The following AGBL1 variants were observed in gnomAD, a reference collection of about 807,000 sequenced individuals.
AGBL1 encodes cytosolic carboxypeptidase 4.
In AGBL1, 130 loss-of-function variants were observed where a neutral mutation model predicts 118.9. That is an observed-to-expected ratio of 1.09 (90% CI 0.95 to 1.26). The LOEUF (loss-of-function observed/expected upper bound fraction) is 1.26. AGBL1 is among the 50% of genes most tolerant of loss of function. The pLI, the probability that AGBL1 is intolerant of heterozygous loss-of-function variation, is 0.00. For synonymous variants in AGBL1, 555 were observed against 478.9 expected (o/e 1.16, Z -2.08); for missense variants, 1,584 against 1,298.1 (o/e 1.22, Z -3.38).
chr15:86,464,447 A>G (rs1420555324), intron 18 of AGBL1, among the ~76,000 whole-genome samples: 4 of 152,092 alleles, frequency 2.6e-5, no homozygotes, highest in African/African-American at 9.7e-5. Flanking sequence ...CTCTTGCCTG[A>G]TTGCACTGGC....
chr15:86,698,071 T>A (rs1341372234), intron 22 of AGBL1, among the ~76,000 whole-genome samples: 2 of 152,056 alleles, frequency 1.3e-5, no homozygotes, highest in Non-Finnish European at 2.9e-5. Context: ...TCTGCCCATA[T>A]GAGTTGGATC....
At chr15:86,113,708 T>C (rs1358592744) in intron 1 of AGBL1, among the ~76,000 whole-genome samples, 1 of 152,198 alleles carries the variant, frequency 6.6e-6, no homozygotes, top group East Asian at 1.9e-4. Flanking sequence ...TATAATGCCA[T>C]GCCACACCTA....
Position 86,440,086 on chromosome 15 carries a change from C to G in AGBL1, c.2555+42540C>G, listed in dbSNP as rs146927823. Among the ~76,000 whole-genome samples, 232 of 152,122 alleles carry G rather than the reference C, an allele frequency of 1.5e-3. 1 individual carries two copies. Among genetic ancestry groups the G allele is most frequent in the African/African-American group, 5.4e-3 (225 of 41,482 alleles). On this transcript the variant is annotated intron_variant, in intron 18 of 22. Transcript: ENST00000614907. ...AAAAGTTTATTGACTAATTTTGCAC[C>G]ATAATTTGTGTTTGATTCTTGTGCT...
chr15:86,581,919 G>T (rs2084177425), intron 21 of AGBL1, among the ~76,000 whole-genome samples: 1 of 152,120 alleles, frequency 6.6e-6, no homozygotes, highest in Admixed American at 6.6e-5. Context: ...AATAATTATG[G>T]ATATATGACA....
chr15:86,198,081 G>A (rs2077844178), intron 5 of AGBL1, among the ~76,000 whole-genome samples: 1 of 152,102 alleles, frequency 6.6e-6, no homozygotes, highest in South Asian at 2.1e-4. Flanking sequence ...GAGTCATGGG[G>A]GTGACAGAGC....
At chr15:86,276,190 A>C (rs1252549096) in intron 15 of AGBL1, among the ~76,000 whole-genome samples, 1 of 152,212 alleles carries the variant, frequency 6.6e-6, no homozygotes, top group Non-Finnish European at 1.5e-5. Flanking sequence ...CTGTAAGTTC[A>C]TAGGCAGCTC....
chr15:86,751,557 A>G (rs2077852149), intron 22 of AGBL1, among the ~76,000 whole-genome samples: 1 of 152,162 alleles, frequency 6.6e-6, no homozygotes, highest in Non-Finnish European at 1.5e-5. Flanking sequence ...GAGCTTCTGC[A>G]CAGAAAAAGA....
At chr15:86,106,915 G>T (rs573054281) in intron 1 of AGBL1, among the ~76,000 whole-genome samples, 1 of 152,308 alleles carries the variant, frequency 6.6e-6, no homozygotes, top group East Asian at 1.9e-4. Flanking sequence ...GTGCTGTGGA[G>T]CCCTGAGAAC....
At chr15:86,290,588 G>A (rs1293078826) in intron 16 of AGBL1, among the ~76,000 whole-genome samples, 2 of 151,882 alleles carry the variant, frequency 1.3e-5, no homozygotes, top group South Asian at 2.1e-4. Flanking sequence ...CTGAGCTTAA[G>A]CAAACCACCT....
At position 86,914,995 on chromosome 15, in the gene AGBL1, C is replaced by G. The variant is rs946201656; in HGVS notation, c.*7701C>G. On this transcript the variant is annotated 3_prime_UTR_variant, in exon 23 of 23. Transcript: ENST00000614907. ...CTCCAAATTCCTAAACTTGATTATG[C>G]CGATAGTAAACCGGCGTTGTTTGAT... is the stretch of plus-strand genomic sequence containing the variant. 3 of 152,174 alleles carry G rather than the reference C, an allele frequency of 2.0e-5. No individual in the cohort carries two copies. Among genetic ancestry groups the G allele is most frequent in the African/African-American group, 7.2e-5 (3 of 41,436 alleles). The allele number at this position is 152,174 out of a possible 1,614,324, so 9.4% of individuals were successfully genotyped here. A position where few individuals can be genotyped will look rare whatever the true frequency, so the allele number is the denominator to read the frequency against.
intron 2 of AGBL1, 127 bp downstream of exon 2, chr15:86,142,194 C>A: frequency 1.2e-6 from 1 of 869,084 alleles, no homozygotes; most frequent in Non-Finnish European, 1.8e-6. Flanking sequence ...GGCAGCATCA[C>A]TAGCCCATCT....
intron 21 of AGBL1, among the ~76,000 whole-genome samples, chr15:86,656,560 A>C: frequency 6.6e-6 from 1 of 152,108 alleles, no homozygotes. Context: ...TTGGTAGTGC[A>C]CTCCTAAGTT....
chr15:86,405,726 A>G (rs969754383), intron 18 of AGBL1, among the ~76,000 whole-genome samples: 3 of 152,202 alleles, frequency 2.0e-5, no homozygotes, highest in Non-Finnish European at 4.4e-5. Context: ...TACATGATAC[A>G]GCCAAGATAA....
rs559947098 is a variant in AGBL1 at position 86,819,825 on chromosome 15, T to C, written c.3159-87262T>C. On this transcript the variant is annotated intron_variant, in intron 22 of 22. Coordinates refer to ENST00000614907, the MANE Select transcript of AGBL1 (RefSeq NM_001386094.1). ...TCATATGGAATCAAAAAAGAGCCCATATAGCCAAGACAATCCTAAGCAAAA... is the reference window on the plus strand; with the variant it reads ...TCATATGGAATCAAAAAAGAGCCCACATAGCCAAGACAATCCTAAGCAAAA... Among the ~76,000 whole-genome samples the C allele has an allele frequency of 2.6e-5, 4 of 152,038 alleles. No individual in the cohort carries two copies. The South Asian group carries it at 6.2e-4, about 24-fold the overall frequency.
intron 19 of AGBL1, among the ~76,000 whole-genome samples, chr15:86,528,222 A>G (rs536642646): frequency 3.0e-4 from 45 of 152,298 alleles, no homozygotes; most frequent in Admixed American, 2.9e-3. Flanking sequence ...AGGGAGTGCC[A>G]GACAGTGGGC....
intron 18 of AGBL1, among the ~76,000 whole-genome samples, chr15:86,405,833 T>TA (rs113928718): frequency 2.2e-3 from 309 of 141,934 alleles, no homozygotes; most frequent in African/African-American, 4.9e-3. Context: ...AAGGAGATGC[T>TA]AAAAAAAAAA....
At position 86,264,515 on chromosome 15, in the gene AGBL1, G is replaced by A. The variant is rs1567165126; in HGVS notation, c.1344G>A (p.Arg448=). Residue 448 remains arginine, a synonymous_variant, in exon 11 of 23, where the codon AGG becomes AGA. Transcript: ENST00000614907. The part of the protein sequence containing the change: ...LYQNVQSNSL[R]RDSSESEIPD... The stretch of plus-strand genomic sequence containing the variant: ...AAAATGTGCAATCCAATAGTCTCAG[G>A]AGAGATTCTTCTGAAAGTGAAATCC... 3 of 1,614,038 alleles carry A rather than the reference G, an allele frequency of 1.9e-6. No individual in the cohort carries two copies. The highest frequency in any genetic ancestry group is 1.7e-5 in the Admixed American group (1 of 60,028).
At chr15:86,656,920 A>T (rs1319980862) in intron 21 of AGBL1, among the ~76,000 whole-genome samples, 3 of 152,196 alleles carry the variant, frequency 2.0e-5, no homozygotes, top group Admixed American at 2.0e-4. Context: ...TTCATGTCAC[A>T]GATTTGGTTT....
chr15:86,564,913 T>C (rs2083888672), intron 21 of AGBL1, among the ~76,000 whole-genome samples: 1 of 152,234 alleles, frequency 6.6e-6, no homozygotes, highest in South Asian at 2.1e-4. Flanking sequence ...TTTCTTCCAG[T>C]TGATCGAATT....
Sources: gnomAD v4.1 joint callset for allele counts (sites outside exome capture counted in the v4.1 genomes callset) on GRCh38, gnomAD v4.1.1 for gene constraint, MANE v1.5 for transcripts, NCBI Gene and HGNC (gene_info 2026-07-23, HGNC 2026-07-21) for gene names.